Variants in LOXHD1 observed in about 807,000 individuals in gnomAD.
The protein encoded by LOXHD1 is lipoxygenase homology PLAT domains 1, also known as lipoxygenase homology domain-containing protein 1.
LOXHD1 carries 205 observed loss-of-function variants against 248.2 expected under a neutral mutation model. The ratio of observed to expected loss-of-function variants is 0.83; its 90% CI spans 0.74 to 0.93. The LOEUF (loss-of-function observed/expected upper bound fraction) is 0.93. Ranked by LOEUF, LOXHD1 falls within the 40% of genes least tolerant of loss-of-function variation. The pLI, the probability that LOXHD1 is intolerant of heterozygous loss-of-function variation, is 0.00. For missense variants in LOXHD1, 2,930 were observed against 2,971.6 expected (o/e 0.99, Z 0.33); for synonymous variants, 1,113 against 1,162.8 (o/e 0.96, Z 0.87).
At chr18:46,499,608 G>C (rs1408831439) in intron 37 of LOXHD1, among the ~76,000 whole-genome samples, 1 of 152,156 alleles carries the variant, frequency 6.6e-6, no homozygotes, top group Non-Finnish European at 1.5e-5. Flanking sequence ...AAAAGGACCA[G>C]AGAGCAGAGA....
chr18:46,650,035 C>A (rs181375512), intron 1 of LOXHD1, among the ~76,000 whole-genome samples: 36 of 152,188 alleles, frequency 2.4e-4, no homozygotes, highest in Admixed American at 2.3e-3. Flanking sequence ...TTTCCAGAAG[C>A]AACTCCTGGA....
At chr18:46,639,874 G>A in intron 3 of LOXHD1, 74 bp from the exon 4 acceptor site, 1 of 1,503,470 alleles carries the variant, frequency 6.7e-7, no homozygotes, top group Non-Finnish European at 9.1e-7. Flanking sequence ...GGAATACCCA[G>A]ATGTTTACTC....
chr18:46,493,192 A>G (rs2033606617), intron 37 of LOXHD1, among the ~76,000 whole-genome samples: 1 of 152,186 alleles, frequency 6.6e-6, no homozygotes, highest in Admixed American at 6.5e-5. Context: ...TGCATCTACC[A>G]TTCTGTCTGT....
At chr18:46,510,169 G>A (rs1209656542) in intron 34 of LOXHD1, among the ~76,000 whole-genome samples, 4 of 152,228 alleles carry the variant, frequency 2.6e-5, no homozygotes, top group Non-Finnish European at 5.9e-5. Flanking sequence ...ACAAAACTGT[G>A]ATGGAGACCA....
chr18:46,512,928 A>C (rs2035051181), intron 34 of LOXHD1, among the ~76,000 whole-genome samples: 1 of 152,202 alleles, frequency 6.6e-6, no homozygotes, highest in African/African-American at 2.4e-5. Flanking sequence ...GAGTGAAAGA[A>C]CTAAGACATA....
chr18:46,600,771 G>A (rs151004831), intron 8 of LOXHD1, among the ~76,000 whole-genome samples: 2 of 152,266 alleles, frequency 1.3e-5, no homozygotes. Context: ...CATCACGAAT[G>A]TTCTATTTCT....
rs373466081 is a variant in LOXHD1 at position 46,522,095 on chromosome 18, C to T, written c.5085+6G>A. 9.8e-5 allele frequency: 151 copies of T among 1,546,498 alleles called. 1 individual carries two copies. The highest frequency in any genetic ancestry group is 1.7e-4 in the Middle Eastern group (1 of 5,980). ...TCACTATCATGGGGCCCCGAGAAGC[C>T]AGCACCTCTATTTTCTTGATGATGC... is the stretch of plus-strand genomic sequence containing the variant. On this transcript the variant is annotated splice_donor_region_variant and intron_variant, in intron 32 of 40. Transcript: ENST00000642948.
In LOXHD1 at chr18:46,524,769, C is replaced by T; in HGVS notation, c.4679G>A (p.Cys1560Tyr). The T allele has an allele frequency of 6.4e-7, 1 of 1,551,772 alleles. No homozygotes were observed. Among genetic ancestry groups the T allele is most frequent in the Non-Finnish European group, 8.7e-7 (1 of 1,147,006 alleles). Reference sequence around the variant, plus strand: ...CTTCTTCAGGGAGAGCCAGCGCCCGCATAGGAACAGGAACTCGTCCTCGTT... The same window carrying T: ...CTTCTTCAGGGAGAGCCAGCGCCCGTATAGGAACAGGAACTCGTCCTCGTT... ...DTNEDEFLFL[C>Y]GRWLSLKKED... The change falls in exon 30 of 41, where the codon TGC (cysteine) becomes TAC (tyrosine). Residue 1560 changes from cysteine to tyrosine, a missense_variant. Transcript: ENST00000642948.
chr18:46,625,228 C>G (rs970266291), intron 4 of LOXHD1, among the ~76,000 whole-genome samples: 7 of 152,198 alleles, frequency 4.6e-5, no homozygotes, highest in Non-Finnish European at 1.0e-4. Flanking sequence ...CACACGGCCC[C>G]ATTCCACAGC....
intron 4 of LOXHD1, among the ~76,000 whole-genome samples, chr18:46,632,476 C>T (rs2038837950): frequency 6.6e-6 from 1 of 152,184 alleles, no homozygotes; most frequent in African/African-American, 2.4e-5. Context: ...GCAGGGGAGA[C>T]AGTGCTTAAC....
At chr18:46,563,934 C>A (rs1424360734) in intron 17 of LOXHD1, among the ~76,000 whole-genome samples, 1 of 151,732 alleles carries the variant, frequency 6.6e-6, no homozygotes, top group Admixed American at 6.6e-5. Context: ...AGCGATCCAT[C>A]GAAAAAGGAG....
At chr18:46,616,436 TC>T (rs1320446856) in intron 5 of LOXHD1, among the ~76,000 whole-genome samples, 1 of 152,218 alleles carries the variant, frequency 6.6e-6, no homozygotes, top group Non-Finnish European at 1.5e-5. Flanking sequence ...CCACTTTCCT[TC>T]TCAAATATTA....
chr18:46,479,782 A>AC (rs1386299641), intron 40 of LOXHD1, among the ~76,000 whole-genome samples: 1 of 151,930 alleles, frequency 6.6e-6, no homozygotes, highest in East Asian at 1.9e-4. Flanking sequence ...AAAAACAAAA[A>AC]AAAAAACACC....
intron 16 of LOXHD1, 48 bp from the exon 17 acceptor site, chr18:46,566,497 C>T (rs2037645294): frequency 6.7e-7 from 1 of 1,485,188 alleles, no homozygotes; most frequent in South Asian, 1.2e-5. Flanking sequence ...TGTGTAGAAA[C>T]CTCCATGATC....
At chr18:46,503,974 G>T (rs2034401947) in intron 37 of LOXHD1, among the ~76,000 whole-genome samples, 1 of 152,160 alleles carries the variant, frequency 6.6e-6, no homozygotes, top group Non-Finnish European at 1.5e-5. Flanking sequence ...GCTGGTTTGG[G>T]TGTCCCTTCC....
Position 46,560,225 on chromosome 18 carries a change from C to G in LOXHD1, c.2919G>C (p.Glu973Asp), listed in dbSNP as rs1348804940. The change falls in exon 19 of 41, where the codon GAG becomes GAC. Residue 973 changes from glutamate (E) to aspartate (D), a missense_variant. Physicochemically the swap from Glu to Asp is conservative, Grantham distance 45 (BLOSUM62 2). Coordinates refer to ENST00000642948, the MANE Select transcript of LOXHD1 (RefSeq NM_001384474.1). The part of the protein sequence containing the change: ...SSSEEEEMEE[E>D]EEEEEFGPGM... The stretch of plus-strand genomic sequence containing the variant: ...CCGGCCCAAACTCCTCCTCTTCCTC[C>G]TCTTCTTCCATCTCCTCCTCCTCTG... The G allele has an allele frequency of 1.3e-6, 2 of 1,551,526 alleles. No homozygotes were observed. The highest frequency in any genetic ancestry group is 4.9e-5 in the East Asian group (2 of 40,904).
intron 19 of LOXHD1, 35 bp downstream of exon 19, chr18:46,560,048 T>TGCCGTCC: frequency 8.2e-7 from 1 of 1,226,298 alleles, no homozygotes; most frequent in Non-Finnish European, 1.1e-6. Flanking sequence ...GTCTGGCCAC[T>TGCCGTCC]CCCTCCCCAC....
At position 46,557,427 on chromosome 18, in the gene LOXHD1, G is replaced by A. The variant is rs751278435; in HGVS notation, c.3279C>T (p.His1093=). The change falls in exon 21 of 41, where the codon CAC becomes CAT. Residue 1093 remains histidine, a synonymous_variant. Transcript: ENST00000642948. ...AGCCTGCTCTGTTGCCTGTGTTGTC[G>A]TGGCGAATCCGAATCTTGGTCAGGG... The part of the protein sequence containing the change: ...LGALTKIRIR[H]DNTGNRAGWF... The A allele has an allele frequency of 2.4e-5, 37 of 1,552,104 alleles. No homozygotes were observed. Among genetic ancestry groups the A allele is most frequent in the South Asian group, 3.6e-5 (3 of 84,062 alleles).
At chr18:46,546,192 ACTGTTC>A (rs879753041) in intron 22 of LOXHD1, among the ~76,000 whole-genome samples, 22,897 of 151,910 alleles carry the variant, frequency 0.15, 1,847 homozygotes, top group South Asian at 0.24. Context: ...CTTGAAAGTT[ACTGTTC>A]ATTCTTTCCC....
Sources: allele counts gnomAD v4.1 joint callset (sites outside exome capture counted in the v4.1 genomes callset), GRCh38; gene constraint gnomAD v4.1.1; transcripts MANE v1.5; gene names NCBI Gene and HGNC (gene_info 2026-07-23, HGNC 2026-07-21).